INTU: variants seen among roughly 807,000 people sequenced by gnomAD.
INTU encodes the protein inturned planar cell polarity protein.
A neutral mutation model predicts 100.5 loss-of-function variants in INTU; 68 were observed. The ratio of observed to expected loss-of-function variants is 0.68; its 90% confidence interval spans 0.56 to 0.83. The LOEUF is 0.83. Ranked by LOEUF, INTU falls within the 40% of genes least tolerant of loss-of-function variation. The pLI, the probability that INTU is intolerant of heterozygous loss-of-function variation, is 0.00. For missense variants in INTU, 1,071 were observed against 1,114.7 expected (o/e 0.96, Z 0.56); for synonymous variants, 357 against 395.7 (o/e 0.90, Z 1.16).
chr4:127,722,659 C>T lies in INTU; in HGVS notation c.*6223C>T, dbSNP rs890629021. On this transcript the variant is annotated 3_prime_UTR_variant, in exon 16 of 16. Transcript: ENST00000335251. Reference sequence around the variant, plus strand: ...CCCTGGCTGGGGATGCTGAGATTCCCACAGGGAGGCCCTGTCCAGTGAAGA... The same window carrying T: ...CCCTGGCTGGGGATGCTGAGATTCCTACAGGGAGGCCCTGTCCAGTGAAGA... 1.3e-5 allele frequency: 2 copies of T among 152,352 alleles called. No homozygotes were observed. Among genetic ancestry groups the T allele is most frequent in the Non-Finnish European group, 2.9e-5 (2 of 68,144 alleles). The allele number at this position is 152,352 out of a possible 1,614,324, so 9.4% of individuals were successfully genotyped here. A position where few individuals can be genotyped will look rare whatever the true frequency, so the allele number is the denominator to read the frequency against.
At chr4:127,656,322 T>G (rs1463877312) in intron 2 of INTU, among the ~76,000 whole-genome samples, 5 of 152,230 alleles carry the variant, frequency 3.3e-5, no homozygotes, top group Non-Finnish European at 7.4e-5. Context: ...GCTAACAAAT[T>G]TTCCATTTGT....
chr4:127,664,206 A>G (rs1232838731), intron 4 of INTU, among the ~76,000 whole-genome samples: 3 of 152,080 alleles, frequency 2.0e-5, no homozygotes, highest in Non-Finnish European at 4.4e-5. Context: ...GTCTAGCATA[A>G]TATCAGATAT....
Position 127,691,962 on chromosome 4 carries a change from G to GTGTGTA in INTU, c.1449+4096_1449+4097insGTGTAT. On this transcript the variant is annotated intron_variant, in intron 8 of 15. Transcript: ENST00000335251. ...GGCGGAGTATAGTGTTCCATGGTATGTATATATATATATATATATGTCACA... is the reference window on the plus strand; with the variant it reads ...GGCGGAGTATAGTGTTCCATGGTATGTGTGTATATATATATATATATATATGTCACA... 1.3e-4 allele frequency among the ~76,000 whole-genome samples: 13 copies of GTGTGTA among 98,254 alleles called. 1 individual carries two copies. Among genetic ancestry groups the GTGTGTA allele is most frequent in the African/African-American group, 2.4e-4 (6 of 24,936 alleles). The allele number at this position is 98,254 out of a possible 152,430, so 64.5% of individuals were successfully genotyped here. A position where few individuals can be genotyped will look rare whatever the true frequency, so the allele number is the denominator to read the frequency against.
chr4:127,708,575 C>A lies in INTU; in HGVS notation c.2276C>A (p.Thr759Asn). 6.4e-7 allele frequency: 1 copy of A among 1,559,706 alleles called. No homozygotes were observed. The highest frequency in any genetic ancestry group is 8.8e-7 in the Non-Finnish European group (1 of 1,138,338). ...CTACTTAACTATATTTTTCAGGTCA[C>A]TAAAAAGAAGTCTACTCTTCCAAAT... ...LEESGTLLKV[T>N]KKKSTLPNPF... The change falls in exon 13 of 16, where the codon ACT (threonine) becomes AAT (asparagine). Residue 759 changes from threonine (T) to asparagine (N), a missense_variant. Physicochemically the swap from Thr to Asn is moderately conservative, Grantham distance 65 (BLOSUM62 0). Transcript: ENST00000335251.
At chr4:127,648,794 T>C (rs576853385) in intron 2 of INTU, among the ~76,000 whole-genome samples, 1 of 152,158 alleles carries the variant, frequency 6.6e-6, no homozygotes, top group South Asian at 2.1e-4. Context: ...ATCTCTTATA[T>C]AGGAGAAATT....
chr4:127,714,082 C>CTGGGTAG lies in INTU; in HGVS notation c.2708_2714dup (p.Arg907SerfsTer19), dbSNP rs1731181959. ...AAAAAGCACCACCAGTTATGGCTTA[C>CTGGGTAG]TGGGTAGTAGGGTAAGTGAGAAAAA... is the stretch of plus-strand genomic sequence containing the variant. On this transcript the variant is annotated frameshift_variant, in exon 15 of 16. Coordinates refer to ENST00000335251, the MANE Select transcript of INTU (RefSeq NM_015693.4). LOFTEE classifies it high-confidence loss of function. The CTGGGTAG allele has an allele frequency of 6.2e-7, 1 of 1,612,304 alleles. No homozygotes were observed. The highest frequency in any genetic ancestry group is 1.7e-5 in the Admixed American group (1 of 59,642).
At chr4:127,655,864 C>A (rs1291444613) in intron 2 of INTU, among the ~76,000 whole-genome samples, 5 of 152,176 alleles carry the variant, frequency 3.3e-5, no homozygotes, top group Non-Finnish European at 7.4e-5. Context: ...GCTGTGCTAG[C>A]AATCAGCGAG....
chr4:127,678,358 C>T lies in INTU; in HGVS notation c.1181+4145C>T, dbSNP rs183442262. Among the ~76,000 whole-genome samples, 405 of 152,270 alleles carry T rather than the reference C, an allele frequency of 2.7e-3. 1 individual carries two copies. The highest frequency in any genetic ancestry group is 4.2e-3 in the Non-Finnish European group (289 of 68,034). On this transcript the variant is annotated intron_variant, in intron 6 of 15. Transcript: ENST00000335251. ...GTTAAGGGCAGCCAGAGACAAAGTTCGGGTTACCCACAAAGGGAAGCCCAT... is the reference window on the plus strand; with the variant it reads ...GTTAAGGGCAGCCAGAGACAAAGTTTGGGTTACCCACAAAGGGAAGCCCAT...
intron 4 of INTU, among the ~76,000 whole-genome samples, chr4:127,663,919 A>G (rs1728586263): frequency 6.6e-6 from 1 of 152,100 alleles, no homozygotes; most frequent in African/African-American, 2.4e-5. Context: ...TATTACTTAT[A>G]CATAATAAAA....
intron 12 of INTU, among the ~76,000 whole-genome samples, chr4:127,707,508 G>A (rs757015291): frequency 6.6e-6 from 1 of 151,128 alleles, no homozygotes; most frequent in Non-Finnish European, 1.5e-5. Context: ...CAATTTCCGT[G>A]TTCATCTCTT....
Position 127,726,639 on chromosome 4 carries a change from T to G in INTU, c.*10203T>G, listed in dbSNP as rs1731419899. On this transcript the variant is annotated 3_prime_UTR_variant, in exon 16 of 16. Coordinates refer to ENST00000335251, the MANE Select transcript of INTU (RefSeq NM_015693.4). ...TATGCACCAAAACTGTATGAAATAA[T>G]TTAATTTTGCAGTTGTGTTTCTATA... is the stretch of plus-strand genomic sequence containing the variant. 6.6e-6 allele frequency: 1 copy of G among 152,238 alleles called. No homozygotes were observed. The highest frequency in any genetic ancestry group is 2.4e-5 in the African/African-American group (1 of 41,466). The allele number at this position is 152,238 out of a possible 1,614,324, so 9.4% of individuals were successfully genotyped here.
At position 127,725,666 on chromosome 4, in the gene INTU, GGAAATAAAAAGGCA is replaced by G; in HGVS notation, c.*9233_*9246del. ...AAACATGAGACCATCGCTCAATAATGGAAATAAAAAGGCAGAGCAGACTACTGATCTTAATAAAA... is the reference window on the plus strand; with the variant it reads ...AAACATGAGACCATCGCTCAATAATGGAGCAGACTACTGATCTTAATAAAA... On this transcript the variant is annotated 3_prime_UTR_variant, in exon 16 of 16. Transcript: ENST00000335251. 6.6e-6 allele frequency: 1 copy of G among 152,118 alleles called. No homozygotes were observed. Among genetic ancestry groups the G allele is most frequent in the African/African-American group, 2.4e-5 (1 of 41,500 alleles). 9.4% of individuals were successfully genotyped at this position (152,118 alleles called of 1,614,324 possible).
intron 8 of INTU, among the ~76,000 whole-genome samples, chr4:127,690,566 G>A (rs1200522714): frequency 6.6e-6 from 1 of 152,172 alleles, no homozygotes; most frequent in Non-Finnish European, 1.5e-5. Flanking sequence ...GTCCAGTTAG[G>A]AGATTAAGAA....
rs1161544376 is a variant in INTU at position 127,720,028 on chromosome 4, G to T, written c.*3592G>T. On this transcript the variant is annotated 3_prime_UTR_variant, in exon 16 of 16. Transcript: ENST00000335251. Reference sequence around the variant, plus strand: ...ACTTTTTGTCTTCTGCTGGCTTTTGGGTTTGTTTGCTCTTGGTTCACTAGT... The same window carrying T: ...ACTTTTTGTCTTCTGCTGGCTTTTGTGTTTGTTTGCTCTTGGTTCACTAGT... The T allele has an allele frequency of 6.6e-6, 1 of 151,794 alleles. No homozygotes were observed. Among genetic ancestry groups the T allele is most frequent in the Non-Finnish European group, 1.5e-5 (1 of 67,924 alleles). 9.4% of individuals were successfully genotyped at this position (151,794 alleles called of 1,614,324 possible). A position where few individuals can be genotyped will look rare whatever the true frequency, so the allele number is the denominator to read the frequency against.
intron 3 of INTU, among the ~76,000 whole-genome samples, chr4:127,661,841 T>C (rs896865025): frequency 2.0e-5 from 3 of 152,172 alleles, no homozygotes; most frequent in African/African-American, 7.2e-5. Flanking sequence ...AGATCTGCTT[T>C]TAGTTCTTTT....
intron 6 of INTU, among the ~76,000 whole-genome samples, chr4:127,681,539 T>G (rs529945427): frequency 2.6e-5 from 4 of 152,314 alleles, no homozygotes; most frequent in African/African-American, 9.6e-5. Flanking sequence ...CTGGGAAAAC[T>G]GGCTAGCCAT....
At chr4:127,692,606 A>G (rs1730200868) in intron 8 of INTU, among the ~76,000 whole-genome samples, 1 of 152,122 alleles carries the variant, frequency 6.6e-6, no homozygotes, top group Non-Finnish European at 1.5e-5. Context: ...CCATCTATTT[A>G]TCTTTGTTTT....
At chr4:127,695,624 C>G (rs1023796465) in intron 8 of INTU, among the ~76,000 whole-genome samples, 38 of 152,226 alleles carry the variant, frequency 2.5e-4, no homozygotes, top group African/African-American at 8.9e-4. Flanking sequence ...TTCAGATTTT[C>G]TGTGTAAACA....
At chr4:127,682,121 T>A (rs548825809) in intron 6 of INTU, among the ~76,000 whole-genome samples, 1 of 151,978 alleles carries the variant, frequency 6.6e-6, no homozygotes, top group Admixed American at 6.5e-5. Context: ...CTGGAGAGGA[T>A]GTGAAGAAAT....
Sources: gnomAD v4.1 joint callset for allele counts (sites outside exome capture counted in the v4.1 genomes callset) on GRCh38, gnomAD v4.1.1 for gene constraint, MANE v1.5 for transcripts, NCBI Gene and HGNC (gene_info 2026-07-23, HGNC 2026-07-21) for gene names.